Variants in ACOT12 observed in about 807,000 individuals in gnomAD.
ACOT12 encodes acetyl-coenzyme A thioesterase.
Under a neutral mutation model 67.7 loss-of-function variants are expected in ACOT12, and 51 were observed. The observed-to-expected ratio is 0.75, with a 90% CI of 0.60 to 0.95. The LOEUF (loss-of-function observed/expected upper bound fraction) is 0.95. Among genes scored for constraint, ACOT12 ranks in the 40% least tolerant of loss-of-function variants. ACOT12 has a pLI of 0.00. For synonymous variants in ACOT12, 251 were observed against 244.6 expected, an observed-to-expected ratio of 1.03 and a Z score of -0.24; for missense variants, 734 against 708.1, an observed-to-expected ratio of 1.04 and a Z score of -0.41.
intron 11 of ACOT12, among the ~76,000 whole-genome samples, chr5:81,339,221 C>T (rs11957050): frequency 0.029 from 4,355 of 152,284 alleles, 89 homozygotes; most frequent in African/African-American, 0.058. Flanking sequence ...TTCATTTTCC[C>T]TGGAGGTATC....
At chr5:81,362,812 C>T (rs182506442) in intron 4 of ACOT12, among the ~76,000 whole-genome samples, 3 of 152,282 alleles carry the variant, frequency 2.0e-5, no homozygotes, top group African/African-American at 7.2e-5. Flanking sequence ...TGATATGGCC[C>T]AGAAAACTGC....
chr5:81,333,329 G>A lies in ACOT12; in HGVS notation c.1263-724C>T, dbSNP rs539420733. Among the ~76,000 whole-genome samples, 6 of 152,280 alleles carry A rather than the reference G, an allele frequency of 3.9e-5. 1 individual carries two copies. The highest frequency in any genetic ancestry group is 1.4e-4 in the African/African-American group (6 of 41,556). On this transcript the variant is annotated intron_variant, in intron 12 of 14. Coordinates refer to ENST00000307624, the MANE Select transcript of ACOT12 (RefSeq NM_130767.3). ...AAAGAAATGTGGTATATTGGAAACC[G>A]CACTAGCTTTGGAGTCACACAACTT...
chr5:81,334,100 T>C (rs962421168), intron 12 of ACOT12, among the ~76,000 whole-genome samples: 2 of 152,108 alleles, frequency 1.3e-5, no homozygotes, highest in African/African-American at 4.8e-5. Flanking sequence ...GAAGACCACC[T>C]TCCCACTCCA....
intron 2 of ACOT12, among the ~76,000 whole-genome samples, chr5:81,382,314 A>C (rs1760606511): frequency 6.6e-6 from 1 of 152,038 alleles, no homozygotes; most frequent in African/African-American, 2.4e-5. Flanking sequence ...AGGAATCAGG[A>C]CTCCTTGGAG....
chr5:81,326,284 C>T (rs1758675111), downstream of ACOT12, among the ~76,000 whole-genome samples: 1 of 152,092 alleles, frequency 6.6e-6, no homozygotes, highest in South Asian at 2.1e-4. Context: ...GCCACCACGT[C>T]TGGCTAATTT....
chr5:81,329,217 T>C (rs1758745228), downstream of ACOT12, among the ~76,000 whole-genome samples: 1 of 152,228 alleles, frequency 6.6e-6, no homozygotes, highest in South Asian at 2.1e-4. Flanking sequence ...AGTGTCTCAA[T>C]TGTAGGTGAG....
At chr5:81,356,083 A>T (rs1311241484) in intron 5 of ACOT12, among the ~76,000 whole-genome samples, 1 of 152,086 alleles carries the variant, frequency 6.6e-6, no homozygotes, top group African/African-American at 2.4e-5. Context: ...ATGTGCTTCA[A>T]ACAAGCCTGG....
intron 8 of ACOT12, 120 bp from the exon 9 acceptor site, chr5:81,344,335 C>T: frequency 1.0e-6 from 1 of 979,854 alleles, no homozygotes; most frequent in South Asian, 1.8e-5. Flanking sequence ...GATGTGGTGT[C>T]TCTCCATGAA....
At chr5:81,359,797 C>T in intron 5 of ACOT12, 106 bp downstream of exon 5, 1 of 1,261,054 alleles carries the variant, frequency 7.9e-7, no homozygotes, top group Admixed American at 2.9e-5. Context: ...CTAGTGTCAC[C>T]AGGACTGAAT....
chr5:81,327,857 A>C (rs1051304306), downstream of ACOT12, among the ~76,000 whole-genome samples: 1 of 152,204 alleles, frequency 6.6e-6, no homozygotes, highest in Non-Finnish European at 1.5e-5. Context: ...TGACACTCCA[A>C]AGAAAAAAAT....
At chr5:81,330,739 G>A in intron 14 of ACOT12, 75 bp downstream of exon 14, 1 of 1,569,834 alleles carries the variant, frequency 6.4e-7, no homozygotes, top group Non-Finnish European at 8.6e-7. Flanking sequence ...AATTAATTAG[G>A]ACATCTGGGT....
chr5:81,344,301 A>T, intron 8 of ACOT12, 86 bp from the exon 9 acceptor site: 1 of 1,343,650 alleles, frequency 7.4e-7, no homozygotes, highest in African/African-American at 1.5e-5. Flanking sequence ...TCCTTCTCCT[A>T]AATCAGTCAA....
chr5:81,347,020 T>C (rs558801788), intron 6 of ACOT12, among the ~76,000 whole-genome samples: 2 of 152,358 alleles, frequency 1.3e-5, no homozygotes, highest in African/African-American at 4.8e-5. Flanking sequence ...TATTCTCTTC[T>C]TTCTTTTCCT....
At position 81,332,571 on chromosome 5, in the gene ACOT12, C is replaced by T. The variant is rs1309677454; in HGVS notation, c.1297G>A (p.Asp433Asn). 5.6e-6 allele frequency: 9 copies of T among 1,613,944 alleles called. No individual in the cohort carries two copies. In the African/African-American group the frequency reaches 1.2e-4, roughly 22 times the overall value. The change falls in exon 13 of 15, where the codon GAT becomes AAT. Residue 433 changes from aspartate (D) to asparagine (N), a missense_variant. Asp to Asn is a conservative substitution (Grantham distance 23). Coordinates refer to ENST00000307624, the MANE Select transcript of ACOT12 (RefSeq NM_130767.3). Reference protein sequence around the residue: ...CEVIDWVSEDDQLYHITCPIL... With the variant: ...CEVIDWVSEDNQLYHITCPIL... ...GGACAGGTGATGTGATACAGCTGAT[C>T]ATCTTCACTCACCCAGTCTATGACT...
chr5:81,390,434 CT>C (rs1471483217), intron 1 of ACOT12, among the ~76,000 whole-genome samples: 2 of 151,324 alleles, frequency 1.3e-5, no homozygotes, highest in Non-Finnish European at 2.9e-5. Context: ...TACCATTTGG[CT>C]TTTAAAAAAT....
intron 11 of ACOT12, among the ~76,000 whole-genome samples, chr5:81,336,932 C>T (rs934243093): frequency 6.6e-6 from 1 of 152,204 alleles, no homozygotes; most frequent in Non-Finnish European, 1.5e-5. Context: ...TATTTGCTTA[C>T]ACCATTTAAC....
chr5:81,384,389 A>C (rs946339059), intron 2 of ACOT12, among the ~76,000 whole-genome samples: 1 of 151,788 alleles, frequency 6.6e-6, no homozygotes, highest in Non-Finnish European at 1.5e-5. Flanking sequence ...CCACCCCCCT[A>C]GGCCTCCCAA....
At chr5:81,351,088 C>G (rs1289939067) in intron 5 of ACOT12, among the ~76,000 whole-genome samples, 1 of 152,128 alleles carries the variant, frequency 6.6e-6, no homozygotes, top group Non-Finnish European at 1.5e-5. Context: ...AAATATTTTT[C>G]CAGAAATTTT....
At chr5:81,372,566 T>C (rs1580581297) in intron 2 of ACOT12, among the ~76,000 whole-genome samples, 1 of 152,224 alleles carries the variant, frequency 6.6e-6, no homozygotes, top group Non-Finnish European at 1.5e-5. Context: ...CCCTCCCTTG[T>C]TGGCTCTGCC....
Sources: gnomAD v4.1 joint callset for allele counts (sites outside exome capture counted in the v4.1 genomes callset) on GRCh38, gnomAD v4.1.1 for gene constraint, MANE v1.5 for transcripts, NCBI Gene and HGNC (gene_info 2026-07-23, HGNC 2026-07-21) for gene names.